RTTN: variants seen among roughly 807,000 people sequenced by gnomAD.
The protein encoded by RTTN is rotatin.
A neutral mutation model predicts 269.2 loss-of-function variants in RTTN; 182 were observed. That is an observed-to-expected ratio of 0.68 (90% CI 0.60 to 0.76). RTTN has a LOEUF of 0.76. RTTN is among the 30% of genes least tolerant of loss of function. RTTN has a pLI of 0.00. For synonymous variants in RTTN, 1,006 were observed against 963.5 expected (o/e 1.04, Z -0.82); for missense variants, 2,545 against 2,608.6 (o/e 0.98, Z 0.53).
chr18:70,191,924 A>T (rs2061681185), intron 8 of RTTN, among the ~76,000 whole-genome samples: 1 of 152,196 alleles, frequency 6.6e-6, no homozygotes, highest in South Asian at 2.1e-4. Flanking sequence ...AATGAGGCAG[A>T]AAGGCTTCAG....
At chr18:70,199,307 C>T (rs2061892116) in intron 5 of RTTN, 107 bp downstream of exon 5, 2 of 663,304 alleles carry the variant, frequency 3.0e-6, no homozygotes, top group South Asian at 4.9e-5. Flanking sequence ...CCATTACTAC[C>T]TTTCACTGCC....
At chr18:70,056,974 A>C (rs1341372693) in intron 37 of RTTN, among the ~76,000 whole-genome samples, 1 of 152,240 alleles carries the variant, frequency 6.6e-6, no homozygotes, top group East Asian at 1.9e-4. Context: ...GATGGAGAGC[A>C]GAAAAATGGA....
At chr18:70,111,150 T>A (rs1400019272) in intron 27 of RTTN, among the ~76,000 whole-genome samples, 1 of 152,210 alleles carries the variant, frequency 6.6e-6, no homozygotes, top group Non-Finnish European at 1.5e-5. Context: ...GATTTAAACA[T>A]CCCTGCCTGA....
At chr18:70,060,687 A>C (rs1362681132) in intron 35 of RTTN, among the ~76,000 whole-genome samples, 1 of 152,150 alleles carries the variant, frequency 6.6e-6, no homozygotes, top group Non-Finnish European at 1.5e-5. Context: ...CTGTTGTGCT[A>C]CTGAACACTA....
At chr18:70,124,309 T>C (rs2059810076) in intron 25 of RTTN, among the ~76,000 whole-genome samples, 1 of 152,030 alleles carries the variant, frequency 6.6e-6, no homozygotes, top group Non-Finnish European at 1.5e-5. Context: ...TGAGGCTGCA[T>C]GGCCAACTGT....
At chr18:70,093,124 G>C (rs1214539600) in intron 28 of RTTN, among the ~76,000 whole-genome samples, 1 of 152,170 alleles carries the variant, frequency 6.6e-6, no homozygotes. Flanking sequence ...AGGATCCCTT[G>C]AGCCTGGGAG....
intron 17 of RTTN, among the ~76,000 whole-genome samples, chr18:70,146,352 A>G (rs2060393026): frequency 6.6e-6 from 1 of 152,196 alleles, no homozygotes; most frequent in African/African-American, 2.4e-5. Flanking sequence ...ACCTTTCAAG[A>G]AAAGAGTAAA....
At chr18:70,183,492 T>C (rs1442784291) in intron 10 of RTTN, among the ~76,000 whole-genome samples, 1 of 152,192 alleles carries the variant, frequency 6.6e-6, no homozygotes, top group Non-Finnish European at 1.5e-5. Context: ...TCATCAATCA[T>C]CACTTTGGAC....
At chr18:70,190,481 A>C (rs2061644585) in intron 9 of RTTN, 57 bp downstream of exon 9, 6 of 1,377,018 alleles carry the variant, frequency 4.4e-6, no homozygotes, top group Non-Finnish European at 6.1e-6. Context: ...GAAAATCCTA[A>C]CGAAATACAA....
intron 9 of RTTN, among the ~76,000 whole-genome samples, chr18:70,188,931 T>C (rs1387786943): frequency 6.6e-6 from 1 of 152,192 alleles, no homozygotes; most frequent in African/African-American, 2.4e-5. Flanking sequence ...TGGAAGGATC[T>C]AGATTAATTT....
At chr18:70,124,707 AG>A (rs1180273689) in intron 25 of RTTN, among the ~76,000 whole-genome samples, 1 of 152,136 alleles carries the variant, frequency 6.6e-6, no homozygotes, top group Non-Finnish European at 1.5e-5. Context: ...CAGCATGCTA[AG>A]GGGTTGGAAT....
At chr18:70,197,798 G>A in intron 5 of RTTN, 60 bp from the exon 6 acceptor site, 1 of 1,047,978 alleles carries the variant, frequency 9.5e-7, no homozygotes, top group Non-Finnish European at 1.5e-6. Flanking sequence ...ATTCTAAGTA[G>A]CCTACTGACA....
chr18:70,115,520 T>TAA (rs66581269), intron 26 of RTTN, among the ~76,000 whole-genome samples: 4,442 of 149,116 alleles, frequency 0.03, 173 homozygotes, highest in African/African-American at 0.089. Flanking sequence ...GGCACTGTGC[T>TAA]AAAAAAAAAA....
At chr18:70,154,592 T>C (rs1425947072) in intron 14 of RTTN, among the ~76,000 whole-genome samples, 7 of 152,090 alleles carry the variant, frequency 4.6e-5, no homozygotes. Context: ...TAAATGTAGG[T>C]TTCTAATCTT....
At chr18:70,034,673 C>A (rs998904488) in intron 40 of RTTN, among the ~76,000 whole-genome samples, 1 of 152,076 alleles carries the variant, frequency 6.6e-6, no homozygotes, top group African/African-American at 2.4e-5. Context: ...CTATTCAACA[C>A]GGTACTGGAA....
intron 28 of RTTN, among the ~76,000 whole-genome samples, chr18:70,095,765 A>G (rs903052491): frequency 2.6e-5 from 4 of 151,814 alleles, no homozygotes; most frequent in African/African-American, 9.7e-5. Flanking sequence ...TCTGACGATT[A>G]CATGTCTTGG....
At chr18:70,005,124 A>C in intron 48 of RTTN, 74 bp downstream of exon 48, 3 of 1,128,130 alleles carry the variant, frequency 2.7e-6, no homozygotes, top group Non-Finnish European at 3.9e-6. Context: ...GGCCTGTCCA[A>C]ATATCTCATT....
Position 70,057,771 on chromosome 18 carries a change from A to G in RTTN, c.5002T>C (p.Ser1668Pro), listed in dbSNP as rs928435309. 1 of 1,613,848 alleles carries G rather than the reference A, an allele frequency of 6.2e-7. No homozygotes were observed. Among genetic ancestry groups the G allele is most frequent in the Non-Finnish European group, 8.5e-7 (1 of 1,179,812 alleles). Residue 1668 changes from serine (S) to proline (P), a missense_variant, in exon 37 of 49, where the codon TCA (serine) becomes CCA (proline). Coordinates refer to ENST00000640769, the MANE Select transcript of RTTN (RefSeq NM_173630.4). ...VQELRALLPS[S>P]PPAEHTQAQV... is the part of the protein sequence containing the mutation. ...GCCTGAGTGTGTTCAGCTGGAGGTG[A>G]TGAAGGCAGCAGGGCTCTGAGTTCC...
intron 15 of RTTN, 110 bp downstream of exon 15, chr18:70,150,498 G>A (rs1401535945): frequency 5.2e-6 from 5 of 966,288 alleles, no homozygotes; most frequent in Admixed American, 4.9e-5. Flanking sequence ...ACCAAAGACA[G>A]GTTTCTTTTT....
Sources: allele counts gnomAD v4.1 joint callset (sites outside exome capture counted in the v4.1 genomes callset), GRCh38; gene constraint gnomAD v4.1.1; transcripts MANE v1.5; gene names NCBI Gene and HGNC (gene_info 2026-07-23, HGNC 2026-07-21).